PTPN14: variants seen among roughly 807,000 people sequenced by gnomAD.
PTPN14 encodes the protein tyrosine-protein phosphatase non-receptor type 14.
In PTPN14, 53 loss-of-function variants were observed where a neutral mutation model predicts 126.8. That is an observed-to-expected ratio of 0.42 (90% CI 0.34 to 0.53). The LOEUF (loss-of-function observed/expected upper bound fraction) is 0.53. PTPN14 is among the 20% of genes least tolerant of loss of function. The probability of loss-of-function intolerance (pLI) is 0.08; values close to 1 mark genes in which losing one functional copy is unlikely to be tolerated. For missense variants in PTPN14, 1,257 were observed against 1,552.9 expected (o/e 0.81, Z 3.20); for synonymous variants, 630 against 599.3 (o/e 1.05, Z -0.75).
rs918994873 is a variant in PTPN14 at position 214,377,798 on chromosome 1, G to C, written c.2688+161C>G. ...ATGGAGAAACATGAGATGCTGAAAG[G>C]GACTGATTTAATGCAACACAGTTAT... On this transcript the variant is annotated intron_variant, in intron 14 of 18. Coordinates refer to ENST00000366956, the MANE Select transcript of PTPN14 (RefSeq NM_005401.5). 2.6e-5 allele frequency among the ~76,000 whole-genome samples: 4 copies of C among 152,022 alleles called. No homozygotes were observed. The East Asian group carries it at 7.7e-4, about 29-fold the overall frequency.
intron 16 of PTPN14, 63 bp downstream of exon 16, chr1:214,372,648 G>A: frequency 1.9e-6 from 3 of 1,610,244 alleles, no homozygotes; most frequent in Non-Finnish European, 2.5e-6. Context: ...ACAGCACAAA[G>A]CCCATCTTCT....
chr1:214,406,289 C>T (rs897220430), intron 5 of PTPN14, among the ~76,000 whole-genome samples: 1 of 151,992 alleles, frequency 6.6e-6, no homozygotes, highest in African/African-American at 2.4e-5. Flanking sequence ...ACCAGCCTAG[C>T]CAACATGGTG....
chr1:214,454,811 C>T (rs1431652767), intron 2 of PTPN14, among the ~76,000 whole-genome samples: 1 of 152,182 alleles, frequency 6.6e-6, no homozygotes, highest in Admixed American at 6.5e-5. Context: ...GAAATAATTA[C>T]ATAACTATGG....
chr1:214,425,536 C>T (rs1201925691), intron 3 of PTPN14, among the ~76,000 whole-genome samples: 1 of 152,066 alleles, frequency 6.6e-6, no homozygotes, highest in Non-Finnish European at 1.5e-5. Flanking sequence ...TCTGTATTTC[C>T]CCCAACAGAC....
intron 1 of PTPN14, among the ~76,000 whole-genome samples, chr1:214,521,083 T>A (rs1410141712): frequency 6.6e-6 from 1 of 152,178 alleles, no homozygotes; most frequent in Non-Finnish European, 1.5e-5. Flanking sequence ...AAATTTATCT[T>A]TGGAGAAATA....
At chr1:214,529,411 G>A (rs1009174894) in intron 1 of PTPN14, 2 of 152,212 alleles carry the variant, frequency 1.3e-5, no homozygotes, top group Non-Finnish European at 2.9e-5. Context: ...GGTCTTCAAA[G>A]CAGCAGAGTG....
chr1:214,415,988 T>C (rs1659418180), intron 3 of PTPN14, among the ~76,000 whole-genome samples: 1 of 152,208 alleles, frequency 6.6e-6, no homozygotes, highest in African/African-American at 2.4e-5. Flanking sequence ...TCCTACTAAT[T>C]ATAAAATGTT....
At chr1:214,533,255 C>A in intron 1 of PTPN14, 1 of 629,590 alleles carries the variant, frequency 1.6e-6, no homozygotes, top group Non-Finnish European at 2.9e-6. Context: ...CAACACCAAG[C>A]CCAGGAGTGC....
At chr1:214,521,625 G>A (rs2102457591) in intron 1 of PTPN14, among the ~76,000 whole-genome samples, 1 of 152,230 alleles carries the variant, frequency 6.6e-6, no homozygotes, top group South Asian at 2.1e-4. Flanking sequence ...TGAGACAGGA[G>A]AACCGCCTGA....
intron 1 of PTPN14, among the ~76,000 whole-genome samples, chr1:214,493,842 C>T (rs1453284613): frequency 6.6e-6 from 1 of 152,076 alleles, no homozygotes; most frequent in Non-Finnish European, 1.5e-5. Flanking sequence ...TTCTTGTTGG[C>T]ATCTATCAAA....
At chr1:214,533,843 CAAA>C (rs200765209) in intron 1 of PTPN14, among the ~76,000 whole-genome samples, 1 of 64,488 alleles carries the variant, frequency 1.6e-5, no homozygotes, top group Non-Finnish European at 3.8e-5. Flanking sequence ...TCTCAAAAAA[CAAA>C]AAAAAAAAAA....
At chr1:214,532,903 C>G in intron 1 of PTPN14, 2 of 984,108 alleles carry the variant, frequency 2.0e-6, no homozygotes, top group Non-Finnish European at 3.2e-6. Flanking sequence ...CCCCAAATCT[C>G]AGGACCTCGC....
chr1:214,540,175 C>T (rs1369531355), intron 1 of PTPN14, among the ~76,000 whole-genome samples: 2 of 152,060 alleles, frequency 1.3e-5, no homozygotes, highest in African/African-American at 4.8e-5. Context: ...GTCATTATAA[C>T]CCACGGATTT....
At chr1:214,523,244 A>G (rs1053730083) in intron 1 of PTPN14, among the ~76,000 whole-genome samples, 4 of 152,116 alleles carry the variant, frequency 2.6e-5, no homozygotes, top group African/African-American at 9.7e-5. Context: ...ATATCCCCAT[A>G]TCATCCCATT....
intron 1 of PTPN14, among the ~76,000 whole-genome samples, chr1:214,521,234 C>G (rs905356148): frequency 6.6e-6 from 1 of 152,156 alleles, no homozygotes; most frequent in Non-Finnish European, 1.5e-5. Flanking sequence ...AATGCATACA[C>G]GAGTATGCTG....
chr1:214,478,358 A>C (rs377701690), intron 1 of PTPN14, among the ~76,000 whole-genome samples: 9 of 152,326 alleles, frequency 5.9e-5, no homozygotes, highest in African/African-American at 2.2e-4. Flanking sequence ...AAGTAGGAAA[A>C]GTTGCAGAGT....
intron 16 of PTPN14, among the ~76,000 whole-genome samples, chr1:214,370,825 C>T (rs1252175230): frequency 6.6e-6 from 1 of 152,128 alleles, no homozygotes; most frequent in African/African-American, 2.4e-5. Context: ...GAGCACTGAA[C>T]ACATACAGCT....
At chr1:214,373,987 T>C (rs1658281775) in intron 15 of PTPN14, among the ~76,000 whole-genome samples, 1 of 152,166 alleles carries the variant, frequency 6.6e-6, no homozygotes, top group Admixed American at 6.5e-5. Context: ...TCTACAGCTA[T>C]AAATACTAGC....
At chr1:214,430,254 G>C (rs956143837) in intron 3 of PTPN14, among the ~76,000 whole-genome samples, 1 of 152,096 alleles carries the variant, frequency 6.6e-6, no homozygotes, top group Admixed American at 6.6e-5. Context: ...TACCGCTTTA[G>C]GTATTTGGGA....
Sources: allele counts gnomAD v4.1 joint callset (sites outside exome capture counted in the v4.1 genomes callset), GRCh38; gene constraint gnomAD v4.1.1; transcripts MANE v1.5; gene names NCBI Gene and HGNC (gene_info 2026-07-23, HGNC 2026-07-21).